KIF11: variants seen among roughly 807,000 people sequenced by gnomAD.
KIF11 encodes kinesin family member 11.
Under a neutral mutation model 121.0 loss-of-function variants are expected in KIF11, and 9 were observed. The observed-to-expected ratio is 0.07, with a 90% confidence interval of 0.04 to 0.13. The LOEUF is 0.13. Among genes scored for constraint, KIF11 ranks in the 10% least tolerant of loss-of-function variants. The probability of loss-of-function intolerance (pLI) is 1.00; values close to 1 mark genes in which losing one functional copy is unlikely to be tolerated. For synonymous variants in KIF11, 408 were observed against 421.0 expected (o/e 0.97, Z 0.38); for missense variants, 846 against 1,217.5 (o/e 0.69, Z 4.54).
intron 1 of KIF11, among the ~76,000 whole-genome samples, chr10:92,595,729 C>T (rs1844287319): frequency 6.6e-6 from 1 of 152,044 alleles, no homozygotes; most frequent in African/African-American, 2.4e-5. Context: ...ACAATAACTC[C>T]CCATTTCCCT....
Position 92,606,364 on chromosome 10 carries a change from C to T in KIF11, c.177C>T (p.Asp59=), listed in dbSNP as rs1358678267. Residue 59 remains aspartate, a synonymous_variant, in exon 2 of 22, where the codon GAC becomes GAT. Transcript: ENST00000260731. ...EVSVRTGGLA[D]KSSRKTYTFD... ...GTGTACGAACTGGAGGATTGGCTGACAAGAGCTCAAGGAAAACATACACTT... is the reference window on the plus strand; with the variant it reads ...GTGTACGAACTGGAGGATTGGCTGATAAGAGCTCAAGGAAAACATACACTT... 1 of 1,611,450 alleles carries T rather than the reference C, an allele frequency of 6.2e-7. No homozygotes were observed. The highest frequency in any genetic ancestry group is 8.5e-7 in the Non-Finnish European group (1 of 1,179,300).
At chr10:92,651,905 C>T (rs1206036924) in intron 21 of KIF11, among the ~76,000 whole-genome samples, 1 of 145,534 alleles carries the variant, frequency 6.9e-6, no homozygotes, top group Non-Finnish European at 1.5e-5. Flanking sequence ...TTACGTAGGA[C>T]ATTGGTATCT....
chr10:92,642,682 TTTATCA>T (rs138760505), intron 17 of KIF11, among the ~76,000 whole-genome samples: 22,511 of 151,994 alleles, frequency 0.15, 3,507 homozygotes, highest in African/African-American at 0.4. Flanking sequence ...AATTGACCTC[TTTATCA>T]TTATGTAATA....
intron 1 of KIF11, among the ~76,000 whole-genome samples, chr10:92,594,135 G>C (rs1041926481): frequency 6.6e-6 from 1 of 152,168 alleles, no homozygotes; most frequent in East Asian, 1.9e-4. Context: ...AGTTAGAATT[G>C]ATTTATTCAA....
intron 20 of KIF11, 80 bp from the exon 21 acceptor site, chr10:92,650,321 G>A: frequency 1.3e-6 from 1 of 798,288 alleles, no homozygotes; most frequent in Non-Finnish European, 2.2e-6. Flanking sequence ...TGGGCATTGT[G>A]TTATACTCAA....
intron 1 of KIF11, chr10:92,597,080 A>C (rs1055961254): frequency 1.1e-5 from 4 of 367,984 alleles, no homozygotes; most frequent in Non-Finnish European, 2.2e-5. Context: ...TTCTTGATTC[A>C]CACTCCTGCA....
At chr10:92,649,686 G>C (rs1844959420) in intron 19 of KIF11, 149 bp from the exon 20 acceptor site, 1 of 549,284 alleles carries the variant, frequency 1.8e-6, no homozygotes, top group Admixed American at 3.1e-5. Flanking sequence ...TGCAAACAAT[G>C]TCTGACAGGT....
intron 10 of KIF11, among the ~76,000 whole-genome samples, chr10:92,624,607 T>C (rs556703024): frequency 2.0e-4 from 30 of 152,296 alleles, no homozygotes; most frequent in African/African-American, 7.0e-4. Flanking sequence ...TTATCCAGTC[T>C]GCTGTGGATG....
intron 1 of KIF11, among the ~76,000 whole-genome samples, chr10:92,595,653 A>C (rs1844285947): frequency 1.3e-5 from 2 of 152,196 alleles, no homozygotes; most frequent in African/African-American, 4.8e-5. Flanking sequence ...ATATTCTGCA[A>C]CAATTACTAC....
rs887284182 is a variant in KIF11, at chr10:92,635,255, A to G, written c.1875+1460A>G. ...TTTGATAGGTTTTCTCAATCACCCA[A>G]ATTTGACAAAATTAAAAGATATCCT... On this transcript the variant is annotated intron_variant, in intron 14 of 21. Transcript: ENST00000260731. 2.0e-5 allele frequency among the ~76,000 whole-genome samples: 3 copies of G among 152,162 alleles called. No individual in the cohort carries two copies. In the East Asian group the frequency reaches 5.8e-4, roughly 29 times the overall value.
intron 18 of KIF11, among the ~76,000 whole-genome samples, chr10:92,646,598 G>T (rs1273100976): frequency 2.0e-5 from 3 of 152,174 alleles, no homozygotes; most frequent in African/African-American, 7.2e-5. Context: ...TAAGGAAGCT[G>T]TTAAAGATTT....
chr10:92,649,758 T>A (rs1844960077), intron 19 of KIF11, 77 bp from the exon 20 acceptor site: 11 of 915,782 alleles, frequency 1.2e-5, no homozygotes. Flanking sequence ...CAAGATTAAT[T>A]AGGAAGTTTT....
intron 12 of KIF11, among the ~76,000 whole-genome samples, chr10:92,630,881 A>G (rs1844730702): frequency 1.3e-5 from 2 of 151,176 alleles, no homozygotes; most frequent in Admixed American, 6.6e-5. Context: ...AAAAAAAAAA[A>G]AAAAGAAAAT....
At position 92,630,275 on chromosome 10, in the gene KIF11, C is replaced by G. The variant is rs1844722752; in HGVS notation, c.1405C>G (p.Gln469Glu). 1 of 1,609,618 alleles carries G rather than the reference C, an allele frequency of 6.2e-7. No individual in the cohort carries two copies. The highest frequency in any genetic ancestry group is 1.3e-5 in the African/African-American group (1 of 74,718). Residue 469 changes from glutamine to glutamate, a missense_variant, in exon 12 of 22, where the codon CAA (glutamine) becomes GAA (glutamate). Coordinates refer to ENST00000260731, the MANE Select transcript of KIF11 (RefSeq NM_004523.4). ...ACTTGAAACCACTCAAAAACATTTGCAAGAAACTAAATTACAACTTGTTAA... is the reference window on the plus strand; with the variant it reads ...ACTTGAAACCACTCAAAAACATTTGGAAGAAACTAAATTACAACTTGTTAA... ...QELETTQKHL[Q>E]ETKLQLVKEE...
At chr10:92,618,775 T>A (rs1399684071) in intron 9 of KIF11, among the ~76,000 whole-genome samples, 1 of 152,102 alleles carries the variant, frequency 6.6e-6, no homozygotes, top group African/African-American at 2.4e-5. Flanking sequence ...TCCTTACATG[T>A]GTATGTGTAT....
rs534073352 is a variant in KIF11 at position 92,636,760 on chromosome 10, C to T, written c.1876-424C>T. ...AAAAAATGGAGAATGGGGCCGGGCG[C>T]GGTGGCTCACGCCTGTAATCTCAGC... On this transcript the variant is annotated intron_variant, in intron 14 of 21. Transcript: ENST00000260731. Among the ~76,000 whole-genome samples, 407 of 151,226 alleles carry T rather than the reference C, an allele frequency of 2.7e-3. 3 individuals carry two copies. Among genetic ancestry groups the T allele is most frequent in the Non-Finnish European group, 4.3e-3 (291 of 67,782 alleles).
At chr10:92,627,614 G>GAT (rs2135913198) in intron 10 of KIF11, among the ~76,000 whole-genome samples, 1 of 151,628 alleles carries the variant, frequency 6.6e-6, no homozygotes, top group South Asian at 2.1e-4. Flanking sequence ...TCCCTGTTGT[G>GAT]ATATCTGTCA....
At chr10:92,619,543 G>A (rs976671770) in intron 9 of KIF11, among the ~76,000 whole-genome samples, 1 of 152,066 alleles carries the variant, frequency 6.6e-6, no homozygotes, top group Non-Finnish European at 1.5e-5. Context: ...TATAATAATT[G>A]AATGTTTATT....
chr10:92,638,050 TTCC>T (rs2135919581), intron 16 of KIF11, among the ~76,000 whole-genome samples: 1 of 152,308 alleles, frequency 6.6e-6, no homozygotes, highest in African/African-American at 2.4e-5. Context: ...CTGTAAACTG[TTCC>T]TCATTATATG....
Sources: allele counts gnomAD v4.1 joint callset (sites outside exome capture counted in the v4.1 genomes callset), GRCh38; gene constraint gnomAD v4.1.1; transcripts MANE v1.5; gene names NCBI Gene and HGNC (gene_info 2026-07-23, HGNC 2026-07-21).